RAD52: variants seen among roughly 807,000 people sequenced by gnomAD.
RAD52 encodes the protein DNA repair protein RAD52 homolog.
Under a neutral mutation model 55.5 loss-of-function variants are expected in RAD52, and 47 were observed. The observed-to-expected ratio is 0.85, with a 90% CI of 0.67 to 1.08. The LOEUF is 1.08. RAD52 is among the 50% of genes least tolerant of loss of function. The pLI is 0.00. For missense variants in RAD52, 468 were observed against 522.8 expected (o/e 0.90, Z 1.02); for synonymous variants, 184 against 198.9 (o/e 0.92, Z 0.63).
chr12:933,980 G>A (rs982396858), intron 1 of RAD52, among the ~76,000 whole-genome samples: 7 of 151,684 alleles, frequency 4.6e-5, no homozygotes, highest in Non-Finnish European at 1.5e-5. Context: ...AGCCAGGCGT[G>A]GTGCTATGCT....
At chr12:987,691 G>A (rs1959104373) in intron 1 of RAD52, among the ~76,000 whole-genome samples, 1 of 151,884 alleles carries the variant, frequency 6.6e-6, no homozygotes, top group Non-Finnish European at 1.5e-5. Context: ...CACCTGAGTA[G>A]CTGGGATTAC....
chr12:912,334 T>A lies in RAD52; in HGVS notation c.*1057A>T, dbSNP rs1956134498. On this transcript the variant is annotated 3_prime_UTR_variant, in exon 12 of 12. Transcript: ENST00000358495. ...AAAAAAAAACCCAGCCCTCTTCAGC[T>A]GCAGTGTATCTTCTTATACAAAAAC... The A allele has an allele frequency of 5.0e-6, 1 of 201,626 alleles. No individual in the cohort carries two copies. The highest frequency in any genetic ancestry group is 2.3e-5 in the African/African-American group (1 of 43,498). 12.5% of individuals were successfully genotyped at this position (201,626 alleles called of 1,614,324 possible). A position where few individuals can be genotyped will look rare whatever the true frequency, so the allele number is the denominator to read the frequency against.
chr12:916,041 C>A (rs1236756174), intron 9 of RAD52, among the ~76,000 whole-genome samples: 5 of 151,920 alleles, frequency 3.3e-5, no homozygotes, highest in Non-Finnish European at 7.4e-5. Flanking sequence ...TAGAGATGGC[C>A]AAAGCATTCG....
In RAD52 at chr12:973,157, C is replaced by A. The variant is rs758703167; in HGVS notation, c.-19+16652G>T. On this transcript the variant is annotated intron_variant, in intron 1 of 11. Coordinates refer to the RAD52 transcript ENST00000430095. ...CGATCTCGGCTCACTGCAAGCTCCC[C>A]CTCCCGGGTTGACACCATTCTCCTG... 5.2e-4 allele frequency among the ~76,000 whole-genome samples: 79 copies of A among 151,738 alleles called. 1 individual carries two copies. Among genetic ancestry groups the A allele is most frequent in the Non-Finnish European group, 9.7e-4 (66 of 67,866 alleles).
At chr12:964,686 C>G (rs1325669735) in intron 1 of RAD52, among the ~76,000 whole-genome samples, 1 of 151,982 alleles carries the variant, frequency 6.6e-6, no homozygotes, top group African/African-American at 2.4e-5. Flanking sequence ...TCAAGAGATC[C>G]TCTCACCTCA....
chr12:930,555 TAC>T (rs1957274593), intron 3 of RAD52, among the ~76,000 whole-genome samples: 1 of 151,882 alleles, frequency 6.6e-6, no homozygotes, highest in Non-Finnish European at 1.5e-5. Context: ...ACCAAAAATA[TAC>T]ACAGAAGTTA....
intron 1 of RAD52, among the ~76,000 whole-genome samples, chr12:945,656 G>T (rs992534206): frequency 2.0e-5 from 3 of 151,004 alleles, no homozygotes; most frequent in African/African-American, 7.3e-5. Flanking sequence ...GGCTGGTCTC[G>T]AACTCCTGAC....
intron 1 of RAD52, among the ~76,000 whole-genome samples, chr12:947,321 T>C (rs1592446259): frequency 1.4e-5 from 1 of 73,964 alleles, no homozygotes; most frequent in East Asian, 3.3e-4. Flanking sequence ...AGCGAAACTC[T>C]GTCCCCCCAA....
chr12:984,586 T>G (rs983506939), intron 1 of RAD52, among the ~76,000 whole-genome samples: 1 of 152,138 alleles, frequency 6.6e-6, no homozygotes, highest in Non-Finnish European at 1.5e-5. Context: ...TTATTTTACT[T>G]AGTGTAAGGT....
intron 6 of RAD52, chr12:926,833 G>C (rs964613348): frequency 6.5e-7 from 1 of 1,536,912 alleles, no homozygotes; most frequent in Non-Finnish European, 8.7e-7. Context: ...GCACGGAGAG[G>C]AGGGTGCTGT....
intron 1 of RAD52, among the ~76,000 whole-genome samples, chr12:947,590 A>G (rs1412925352): frequency 7.0e-6 from 1 of 143,852 alleles, no homozygotes; most frequent in Admixed American, 7.2e-5. Flanking sequence ...AGACAAACAA[A>G]AAAACAAAAC....
chr12:917,832 G>A (rs1565650822), intron 7 of RAD52, among the ~76,000 whole-genome samples: 1 of 13,162 alleles, frequency 7.6e-5, no homozygotes, highest in Non-Finnish European at 1.8e-4. Context: ...CCAGCTACTC[G>A]GGAGGCTGAG....
intron 7 of RAD52, among the ~76,000 whole-genome samples, chr12:919,461 T>C (rs1013257915): frequency 6.6e-6 from 1 of 151,230 alleles, no homozygotes; most frequent in African/African-American, 2.4e-5. Context: ...AAGAGAAATT[T>C]GGGGCCAGGC....
chr12:972,399 G>A (rs1958871873), intron 1 of RAD52, among the ~76,000 whole-genome samples: 2 of 152,290 alleles, frequency 1.3e-5, no homozygotes, highest in African/African-American at 4.8e-5. Context: ...CTCAGGCATG[G>A]TGACATGTGA....
intron 1 of RAD52, among the ~76,000 whole-genome samples, chr12:955,505 ACT>A (rs1958593390): frequency 6.8e-6 from 1 of 146,626 alleles, no homozygotes; most frequent in African/African-American, 2.5e-5. Context: ...ACGGAGTCTC[ACT>A]CTGTCGCCCA....
chr12:948,595 T>C (rs1210933392), intron 1 of RAD52, among the ~76,000 whole-genome samples: 1 of 152,142 alleles, frequency 6.6e-6, no homozygotes, highest in Admixed American at 6.6e-5. Flanking sequence ...GAGGCGGACG[T>C]TGCAGTGAGC....
chr12:965,964 A>T (rs4409902), intron 1 of RAD52, among the ~76,000 whole-genome samples: 1 of 151,784 alleles, frequency 6.6e-6, no homozygotes, highest in Non-Finnish European at 1.5e-5. Context: ...GATTACAGGC[A>T]TGAACCACTG....
At chr12:961,863 T>C (rs944142283) in intron 1 of RAD52, among the ~76,000 whole-genome samples, 4 of 151,374 alleles carry the variant, frequency 2.6e-5, no homozygotes, top group Non-Finnish European at 4.4e-5. Flanking sequence ...ACCCTGTATC[T>C]AAAAAAGAAA....
intron 1 of RAD52, among the ~76,000 whole-genome samples, chr12:941,467 C>T (rs1389813614): frequency 1.3e-5 from 2 of 151,320 alleles, no homozygotes; most frequent in African/African-American, 4.9e-5. Flanking sequence ...TACAGGCATG[C>T]GCCACCATGC....
Sources: gnomAD v4.1 joint callset for allele counts (sites outside exome capture counted in the v4.1 genomes callset) on GRCh38, gnomAD v4.1.1 for gene constraint, MANE v1.5 for transcripts, NCBI Gene and HGNC (gene_info 2026-07-23, HGNC 2026-07-21) for gene names.